KIAA1217: variants seen among roughly 807,000 people sequenced by gnomAD.
KIAA1217 encodes the protein KIAA1217, also known as sickle tail protein homolog.
In KIAA1217, 88 loss-of-function variants were observed where a neutral mutation model predicts 163.9. That is an observed-to-expected ratio of 0.54 (90% CI 0.45 to 0.64). The LOEUF is 0.64. Ranked by LOEUF, KIAA1217 falls within the 30% of genes least tolerant of loss-of-function variation. The pLI, the probability that KIAA1217 is intolerant of heterozygous loss-of-function variation, is 0.00. For missense variants in KIAA1217, 2,372 were observed against 2,475.0 expected (o/e 0.96, Z 0.88); for synonymous variants, 903 against 923.1 (o/e 0.98, Z 0.39).
At chr10:24,013,785 G>A (rs1471650346) in intron 2 of KIAA1217, among the ~76,000 whole-genome samples, 2 of 152,088 alleles carry the variant, frequency 1.3e-5, no homozygotes, top group Non-Finnish European at 2.9e-5. Context: ...GGTGAGAGAA[G>A]GGAAACTTGG....
intron 1 of KIAA1217, among the ~76,000 whole-genome samples, chr10:23,767,432 A>G (rs1191289355): frequency 6.6e-6 from 1 of 152,176 alleles, no homozygotes; most frequent in Non-Finnish European, 1.5e-5. Context: ...AGAAGAAAGA[A>G]ATAAGAAGGA....
chr10:23,788,285 C>T (rs1564419397), intron 1 of KIAA1217, among the ~76,000 whole-genome samples: 1 of 152,108 alleles, frequency 6.6e-6, no homozygotes, highest in Admixed American at 6.6e-5. Context: ...TTGTTGATAG[C>T]CCAGTGGGAG....
chr10:24,324,531 C>T (rs1470456802), intron 2 of KIAA1217, among the ~76,000 whole-genome samples: 15 of 152,262 alleles, frequency 9.9e-5, no homozygotes, highest in South Asian at 2.1e-4. Flanking sequence ...CCTGTCACTG[C>T]GCTCCATCCT....
chr10:23,799,591 C>T (rs142836407), intron 1 of KIAA1217, among the ~76,000 whole-genome samples: 20 of 152,268 alleles, frequency 1.3e-4, no homozygotes, highest in African/African-American at 4.8e-4. Flanking sequence ...GAAAAAACAG[C>T]TACCCTTTGC....
chr10:24,047,156 A>G (rs918659488), intron 2 of KIAA1217, among the ~76,000 whole-genome samples: 3 of 152,222 alleles, frequency 2.0e-5, no homozygotes, highest in Admixed American at 2.0e-4. Flanking sequence ...TACATTGTCT[A>G]TAGGGCCTTG....
Position 24,497,081 on chromosome 10 carries a change from C to A in KIAA1217, c.1834+1885C>A, listed in dbSNP as rs370922945. ...ATATCGTCCACAGGGGCTTCGTTGC[C>A]ATAGCAGCCTTGTATAGTGCACAAA... On this transcript the variant is annotated intron_variant, in intron 8 of 20. Transcript: ENST00000376454. Among the ~76,000 whole-genome samples the A allele has an allele frequency of 4.0e-3, 607 of 152,296 alleles. 7 individuals carry two copies. Among genetic ancestry groups the A allele is most frequent in the African/African-American group, 0.013 (553 of 41,556 alleles).
At chr10:23,833,720 C>G (rs1388006226) in intron 1 of KIAA1217, among the ~76,000 whole-genome samples, 1 of 151,736 alleles carries the variant, frequency 6.6e-6, no homozygotes. Flanking sequence ...CATTCAATAT[C>G]TTTCTATAAT....
At chr10:23,878,563 A>G (rs1840811220) in intron 1 of KIAA1217, among the ~76,000 whole-genome samples, 1 of 151,974 alleles carries the variant, frequency 6.6e-6, no homozygotes, top group African/African-American at 2.4e-5. Context: ...TGAAAGATGT[A>G]GTGTGTCAGA....
intron 2 of KIAA1217, among the ~76,000 whole-genome samples, chr10:24,052,835 A>G (rs1270648231): frequency 6.6e-6 from 1 of 152,124 alleles, no homozygotes; most frequent in Non-Finnish European, 1.5e-5. Context: ...TTGGCTATTT[A>G]GGAGCAAATT....
chr10:24,492,836 G>A (rs964400236), intron 6 of KIAA1217, among the ~76,000 whole-genome samples: 1 of 136,818 alleles, frequency 7.3e-6, no homozygotes, highest in African/African-American at 2.8e-5. Context: ...TCTAGTGGAA[G>A]AACAGGCCAT....
At chr10:23,754,500 T>A (rs1318598769) in intron 1 of KIAA1217, among the ~76,000 whole-genome samples, 1 of 152,208 alleles carries the variant, frequency 6.6e-6, no homozygotes, top group Non-Finnish European at 1.5e-5. Context: ...GAAAATCTCT[T>A]CTTTCTTTTT....
chr10:23,749,764 G>T (rs1379836763), intron 1 of KIAA1217, among the ~76,000 whole-genome samples: 1 of 152,062 alleles, frequency 6.6e-6, no homozygotes, highest in Non-Finnish European at 1.5e-5. Flanking sequence ...CTTTCCTTGG[G>T]CTTAAGTAAT....
intron 1 of KIAA1217, among the ~76,000 whole-genome samples, chr10:24,005,264 C>T (rs1846940731): frequency 3.3e-5 from 5 of 152,264 alleles, no homozygotes; most frequent in Admixed American, 2.6e-4. Context: ...GGGAACAATG[C>T]TTGGCACTCA....
At chr10:24,324,666 A>AT (rs1233958472) in intron 2 of KIAA1217, among the ~76,000 whole-genome samples, 5 of 152,060 alleles carry the variant, frequency 3.3e-5, no homozygotes, top group Admixed American at 1.3e-4. Flanking sequence ...GGACTCTTGG[A>AT]TTTTTCCCCC....
intron 2 of KIAA1217, among the ~76,000 whole-genome samples, chr10:24,311,086 T>C (rs1478008924): frequency 6.6e-6 from 1 of 152,222 alleles, no homozygotes; most frequent in African/African-American, 2.4e-5. Flanking sequence ...AGGGTTCTCC[T>C]TGAAGTCAAA....
chr10:24,464,406 G>T (rs16924794), intron 5 of KIAA1217, among the ~76,000 whole-genome samples: 1 of 152,060 alleles, frequency 6.6e-6, no homozygotes, highest in Non-Finnish European at 1.5e-5. Flanking sequence ...GCATTGAACC[G>T]ACCGACTCTC....
chr10:24,124,468 G>A (rs1367119308), intron 2 of KIAA1217, among the ~76,000 whole-genome samples: 1 of 151,684 alleles, frequency 6.6e-6, no homozygotes, highest in Non-Finnish European at 1.5e-5. Flanking sequence ...GATTAGGAAC[G>A]CTTGTCCAAT....
At chr10:24,101,666 G>C (rs1411730379) in intron 2 of KIAA1217, among the ~76,000 whole-genome samples, 2 of 152,098 alleles carry the variant, frequency 1.3e-5, no homozygotes, top group Non-Finnish European at 2.9e-5. Context: ...ATATTAGATT[G>C]GACTATATGA....
chr10:23,870,888 A>G (rs1588985864), intron 1 of KIAA1217, among the ~76,000 whole-genome samples: 1 of 152,152 alleles, frequency 6.6e-6, no homozygotes. Flanking sequence ...TATTATCCCT[A>G]TGGTATATTT....
Sources: gnomAD v4.1 joint callset for allele counts (sites outside exome capture counted in the v4.1 genomes callset) on GRCh38, gnomAD v4.1.1 for gene constraint, MANE v1.5 for transcripts, NCBI Gene and HGNC (gene_info 2026-07-23, HGNC 2026-07-21) for gene names.